Variants in RYR1 observed in about 807,000 individuals in gnomAD.
RYR1 encodes the protein central core disease of muscle.
RYR1 carries 342 observed loss-of-function variants against 583.5 expected under a neutral mutation model. The ratio of observed to expected loss-of-function variants is 0.59; its 90% CI spans 0.54 to 0.64. RYR1 has a LOEUF of 0.64. Among genes scored for constraint, RYR1 ranks in the 30% least tolerant of loss-of-function variants. RYR1 has a pLI of 0.00. For missense variants in RYR1, 6,032 were observed against 6,917.2 expected (o/e 0.87, Z 4.54); for synonymous variants, 2,791 against 2,822.5 (o/e 0.99, Z 0.35).
At position 38,496,266 on chromosome 19, in the gene RYR1, G is replaced by A. The variant is rs375640581; in HGVS notation, c.6600G>A (p.Ala2200=). Residue 2200 remains alanine, a synonymous_variant, in exon 40 of 106, where the codon GCG becomes GCA. Coordinates refer to ENST00000359596, the MANE Select transcript of RYR1 (RefSeq NM_000540.3). The surrounding 1 kb of genome is among the most constrained non-coding windows in gnomAD (Gnocchi z 4.8). Reference sequence around the variant, plus strand: ...ACCAACACCCGAACCTGATGAGGGCGCTGGGCATGCACGAGACGGTCATGG... The same window carrying A: ...ACCAACACCCGAACCTGATGAGGGCACTGGGCATGCACGAGACGGTCATGG... ...VFYQHPNLMR[A]LGMHETVMEV... 6.4e-5 allele frequency: 104 copies of A among 1,613,976 alleles called. No homozygotes were observed. The Admixed American group carries it at 6.5e-4, about 10-fold the overall frequency.
intron 23 of RYR1, among the ~76,000 whole-genome samples, chr19:38,465,583 G>A (rs374251465): frequency 2.0e-5 from 3 of 152,140 alleles, no homozygotes; most frequent in Non-Finnish European, 4.4e-5. Context: ...TGACCAACAC[G>A]GTGAAACCCA....
At chr19:38,478,400 A>T (rs753653961) in intron 30 of RYR1, 35 bp from the exon 31 acceptor site, 2 of 1,609,364 alleles carry the variant, frequency 1.2e-6, no homozygotes, top group African/African-American at 2.7e-5. Context: ...AGCTACTCAC[A>T]TGAGGAGTGC....
Position 38,469,443 on chromosome 19 carries a change from C to A in RYR1, c.3695C>A (p.Pro1232Gln), listed in dbSNP as rs1363931971. 1 of 1,614,142 alleles carries A rather than the reference C, an allele frequency of 6.2e-7. No homozygotes were observed. Among genetic ancestry groups the A allele is most frequent in the Non-Finnish European group, 8.5e-7 (1 of 1,179,988 alleles). The change falls in exon 27 of 106, where the codon CCA (proline) becomes CAA (glutamine). Residue 1232 changes from proline (P) to glutamine (Q), a missense_variant. Pro to Gln is a moderately conservative substitution (Grantham distance 76). Around this residue, in one of 11 missense-constraint regions of RYR1, gnomAD observed 2,627 missense variants for 2,961.3 expected, o/e 0.89. Transcript: ENST00000359596. ...CCATTTGCCATCAACATGCAGCGCC[C>A]AGTCACCACCTGGTTCAGCAAAGGC... The part of the protein sequence containing the change: ...FEPFAINMQR[P>Q]VTTWFSKGLP...
rs1380117633 is a variant in RYR1 at position 38,434,022 on chromosome 19, T to C, written c.45+148T>C. The C allele has an allele frequency of 3.8e-6, 3 of 784,642 alleles. No homozygotes were observed. The African/African-American group carries it at 5.1e-5, about 13-fold the overall frequency. The allele number at this position is 784,642 out of a possible 1,614,324, so 48.6% of individuals were successfully genotyped here. On this transcript the variant is annotated intron_variant, in intron 1 of 105. Coordinates refer to ENST00000359596, the MANE Select transcript of RYR1 (RefSeq NM_000540.3). The stretch of plus-strand genomic sequence containing the variant: ...GTCACTTTGAGTGACTGTCACTCTG[T>C]CTTTTAGTCTCCTTCACCTTTCTCA...
intron 11 of RYR1, among the ~76,000 whole-genome samples, chr19:38,450,579 A>C (rs1388722173): frequency 6.6e-6 from 1 of 152,094 alleles, no homozygotes. Context: ...GGTGAAATGC[A>C]GGGGGCTTTA....
At chr19:38,527,177 C>T in intron 72 of RYR1, 125 bp downstream of exon 72, 1 of 1,054,428 alleles carries the variant, frequency 9.5e-7, no homozygotes, top group Non-Finnish European at 1.4e-6. Context: ...GAGTTTGAGA[C>T]CAGCCTGGCC....
chr19:38,446,859 T>C (rs1972968663), intron 9 of RYR1, 91 bp downstream of exon 9: 2 of 1,019,332 alleles, frequency 2.0e-6, no homozygotes, highest in Non-Finnish European at 1.5e-6. Context: ...GAAGATCTGA[T>C]AAAGAGACTG....
Position 38,561,567 on chromosome 19 carries a change from C to A in RYR1, c.12624+113C>A. 1 of 1,052,472 alleles carries A rather than the reference C, an allele frequency of 9.5e-7. No homozygotes were observed. Among genetic ancestry groups the A allele is most frequent in the Non-Finnish European group, 1.4e-6 (1 of 729,364 alleles). The allele number at this position is 1,052,472 out of a possible 1,614,324, so 65.2% of individuals were successfully genotyped here. A position where few individuals can be genotyped will look rare whatever the true frequency, so the allele number is the denominator to read the frequency against. ...GCTGTGCGTGCCTCGCATATCTGCC[C>A]TGCTCCGGCAAGCCCACGCCCACCC... On this transcript the variant is annotated intron_variant, in intron 90 of 105. Coordinates refer to ENST00000359596, the MANE Select transcript of RYR1 (RefSeq NM_000540.3). This position sits in a 1 kb window ranked among gnomAD's most constrained non-coding sequence, Gnocchi z 4.8.
intron 89 of RYR1, among the ~76,000 whole-genome samples, chr19:38,556,817 G>A (rs148342732): frequency 6.6e-6 from 1 of 152,238 alleles, no homozygotes; most frequent in East Asian, 1.9e-4. Context: ...CGTCCTTGTG[G>A]TGTCATTTCA....
At chr19:38,509,234 C>T (rs1429646726) in intron 58 of RYR1, among the ~76,000 whole-genome samples, 2 of 152,082 alleles carry the variant, frequency 1.3e-5, no homozygotes, top group African/African-American at 4.8e-5. Flanking sequence ...GTGATATGGG[C>T]ATATGTTCAC....
intron 20 of RYR1, among the ~76,000 whole-genome samples, chr19:38,461,098 G>A (rs1411345044): frequency 6.6e-6 from 1 of 152,108 alleles, no homozygotes; most frequent in Non-Finnish European, 1.5e-5. Context: ...AGGTTGCAAT[G>A]AGCCAAGATC....
At position 38,440,850 on chromosome 19, in the gene RYR1, A is replaced by G. The variant is rs1282030898; in HGVS notation, c.151A>G (p.Thr51Ala). ...FGNRLCFLEP[T>A]SNAQNVPPDL... Reference sequence around the variant, plus strand: ...CAACCGCCTGTGCTTCCTGGAGCCCACTAGCAACGCGCAGGTCTGTGCAGG... The same window carrying G: ...CAACCGCCTGTGCTTCCTGGAGCCCGCTAGCAACGCGCAGGTCTGTGCAGG... The change falls in exon 2 of 106, where the codon ACT becomes GCT. Residue 51 changes from threonine (T) to alanine (A), a missense_variant. Transcript: ENST00000359596. 6.2e-7 allele frequency: 1 copy of G among 1,612,072 alleles called. No individual in the cohort carries two copies. Among genetic ancestry groups the G allele is most frequent in the Admixed American group, 1.7e-5 (1 of 59,830 alleles).
At chr19:38,479,702 T>G (rs1211934252) in intron 31 of RYR1, among the ~76,000 whole-genome samples, 3 of 151,870 alleles carry the variant, frequency 2.0e-5, no homozygotes, top group Non-Finnish European at 2.9e-5. Flanking sequence ...CTTGAGTCAC[T>G]GTGCCTGGCT....
rs1970245773 is a variant in RYR1, at chr19:38,502,828, C to CAGGGGG, written c.7836-50_7836-49insGGGGAG. On this transcript the variant is annotated intron_variant, in intron 48 of 105. Coordinates refer to ENST00000359596, the MANE Select transcript of RYR1 (RefSeq NM_000540.3). ...GCAGGGGGAGGAGCAGGGGCAGGGG[C>CAGGGGG]AGCAGAGCGGGCCTGGACGGGGGAT... 14 of 1,535,374 alleles carry CAGGGGG rather than the reference C, an allele frequency of 9.1e-6. 1 individual carries two copies. The Admixed American group carries it at 1.6e-4, about 18-fold the overall frequency.
At chr19:38,460,743 C>A in intron 20 of RYR1, 152 bp downstream of exon 20, 1 of 743,986 alleles carries the variant, frequency 1.3e-6, no homozygotes, top group Non-Finnish European at 2.3e-6. Flanking sequence ...TTTGGGAGGC[C>A]GAGGCGGGTG....
Position 38,512,584 on chromosome 19 carries a change from T to G in RYR1, c.9472+101T>G. 8.7e-7 allele frequency: 1 copy of G among 1,146,384 alleles called. No homozygotes were observed. The highest frequency in any genetic ancestry group is 1.3e-6 in the Non-Finnish European group (1 of 771,166). The allele number at this position is 1,146,384 out of a possible 1,614,324, so 71.0% of individuals were successfully genotyped here. On this transcript the variant is annotated intron_variant, in intron 63 of 105. Coordinates refer to ENST00000359596, the MANE Select transcript of RYR1 (RefSeq NM_000540.3). This position sits in a 1 kb window ranked among gnomAD's most constrained non-coding sequence, Gnocchi z 5.1. ...GTCCCTGGGTGTTTGAATGTGTGGA[T>G]TTCTTGCTGTAAGCAAAGCATGCAG...
chr19:38,501,056 G>A, intron 47 of RYR1, 66 bp downstream of exon 47: 3 of 1,511,306 alleles, frequency 2.0e-6, no homozygotes, highest in Non-Finnish European at 2.7e-6. Context: ...ATGGGTCACG[G>A]TAGAGCAGCA....
Position 38,496,754 on chromosome 19 carries a change from G to C in RYR1, c.6797-106G>C, listed in dbSNP as rs1167121369. Reference sequence around the variant, plus strand: ...GCTTGGATGAGGGAAGTACAGACCAGAGGAGGCACCTGATCCAGGCTGGAA... The same window carrying C: ...GCTTGGATGAGGGAAGTACAGACCACAGGAGGCACCTGATCCAGGCTGGAA... On this transcript the variant is annotated intron_variant, in intron 41 of 105. Transcript: ENST00000359596. This position sits in a 1 kb window ranked among gnomAD's most constrained non-coding sequence, Gnocchi z 4.8. The C allele has an allele frequency of 8.2e-7, 1 of 1,212,612 alleles. No individual in the cohort carries two copies. The highest frequency in any genetic ancestry group is 1.2e-6 in the Non-Finnish European group (1 of 821,582). The allele number at this position is 1,212,612 out of a possible 1,614,324, so 75.1% of individuals were successfully genotyped here. A position where few individuals can be genotyped will look rare whatever the true frequency, so the allele number is the denominator to read the frequency against.
At chr19:38,508,066 A>G (rs1970559702) in intron 58 of RYR1, among the ~76,000 whole-genome samples, 1 of 152,196 alleles carries the variant, frequency 6.6e-6, no homozygotes, top group African/African-American at 2.4e-5. Flanking sequence ...TTAGCATCAT[A>G]AATAACTAAA....
Sources: gnomAD v4.1 joint callset for allele counts (sites outside exome capture counted in the v4.1 genomes callset) on GRCh38, gnomAD v4.1.1 for gene constraint, gnomAD v4.1.1 regional missense constraint, Gnocchi (gnomAD v3.1) non-coding constraint, MANE v1.5 for transcripts, NCBI Gene and HGNC (gene_info 2026-07-23, HGNC 2026-07-21) for gene names.